KIAA1328: variants seen among roughly 807,000 people sequenced by gnomAD.
KIAA1328 encodes the protein protein hinderin.
Under a neutral mutation model 68.1 loss-of-function variants are expected in KIAA1328, and 52 were observed. The observed-to-expected ratio is 0.76, with a 90% CI of 0.61 to 0.96. The LOEUF is 0.96. KIAA1328 is among the 40% of genes least tolerant of loss of function. The pLI is 0.00. For synonymous variants in KIAA1328, 232 were observed against 239.4 expected (o/e 0.97, Z 0.28); for missense variants, 641 against 677.6 (o/e 0.95, Z 0.60).
chr18:36,949,946 A>G (rs561940419), intron 5 of KIAA1328, among the ~76,000 whole-genome samples: 3 of 152,376 alleles, frequency 2.0e-5, no homozygotes, highest in South Asian at 4.1e-4. Flanking sequence ...TCAGACTTGT[A>G]TCAGTGGCTT....
intron 5 of KIAA1328, among the ~76,000 whole-genome samples, chr18:36,911,665 G>A (rs1283401670): frequency 6.6e-6 from 1 of 152,076 alleles, no homozygotes; most frequent in Non-Finnish European, 1.5e-5. Context: ...TATAGTGCTG[G>A]AAAAAAGTAC....
intron 6 of KIAA1328, among the ~76,000 whole-genome samples, chr18:37,010,214 G>A (rs1407239223): frequency 6.6e-6 from 1 of 151,958 alleles, no homozygotes; most frequent in Non-Finnish European, 1.5e-5. Flanking sequence ...GGAGGCCGAG[G>A]CGGGCGGATC....
chr18:36,899,216 A>G (rs1345427544), intron 5 of KIAA1328, among the ~76,000 whole-genome samples: 2 of 151,910 alleles, frequency 1.3e-5, no homozygotes, highest in Admixed American at 6.6e-5. Context: ...GCTTTTACTA[A>G]TCATGAATGG....
At chr18:37,078,910 A>T (rs1240416778) in intron 7 of KIAA1328, among the ~76,000 whole-genome samples, 1 of 151,866 alleles carries the variant, frequency 6.6e-6, no homozygotes, top group Non-Finnish European at 1.5e-5. Context: ...ACCATTGTGG[A>T]GGTCAGTGTG....
At chr18:37,017,477 C>A (rs886452656) in intron 6 of KIAA1328, among the ~76,000 whole-genome samples, 1 of 151,992 alleles carries the variant, frequency 6.6e-6, no homozygotes, top group Non-Finnish European at 1.5e-5. Context: ...TTTATTACAT[C>A]CAATTGTTCA....
intron 4 of KIAA1328, among the ~76,000 whole-genome samples, chr18:36,845,606 A>G (rs2150815391): frequency 6.6e-6 from 1 of 151,916 alleles, no homozygotes; most frequent in Non-Finnish European, 1.5e-5. Context: ...TATACAGAAT[A>G]TATAAAGAAC....
intron 7 of KIAA1328, among the ~76,000 whole-genome samples, chr18:37,149,118 A>T (rs1188369714): frequency 6.6e-6 from 1 of 152,188 alleles, no homozygotes; most frequent in African/African-American, 2.4e-5. Flanking sequence ...TATAGCCAAG[A>T]CAGTCCTAAG....
intron 6 of KIAA1328, among the ~76,000 whole-genome samples, chr18:36,991,453 A>C (rs1454870814): frequency 6.6e-6 from 1 of 152,244 alleles, no homozygotes; most frequent in Non-Finnish European, 1.5e-5. Flanking sequence ...GTATGCTAAC[A>C]AAACAACAGC....
At chr18:36,984,519 T>C (rs965003908) in intron 6 of KIAA1328, among the ~76,000 whole-genome samples, 1 of 152,112 alleles carries the variant, frequency 6.6e-6, no homozygotes, top group South Asian at 2.1e-4. Flanking sequence ...AACACTTCTA[T>C]GTATATGGAA....
intron 7 of KIAA1328, among the ~76,000 whole-genome samples, chr18:37,121,846 G>A (rs985101214): frequency 6.6e-5 from 10 of 152,012 alleles, no homozygotes; most frequent in African/African-American, 2.4e-4. Flanking sequence ...ATGCATGAAT[G>A]AAGGAGGTGT....
At chr18:37,028,427 G>C (rs1350784827) in intron 6 of KIAA1328, among the ~76,000 whole-genome samples, 1 of 151,990 alleles carries the variant, frequency 6.6e-6, no homozygotes, top group Non-Finnish European at 1.5e-5. Flanking sequence ...AGGAGCTTTA[G>C]GGCAGAGACT....
chr18:36,960,209 A>G (rs189094236), intron 6 of KIAA1328, among the ~76,000 whole-genome samples: 2 of 152,316 alleles, frequency 1.3e-5, no homozygotes, highest in East Asian at 3.9e-4. Context: ...CTCACTGCTA[A>G]CGCAGCAGTC....
At chr18:37,118,555 C>T (rs2058184554) in intron 7 of KIAA1328, among the ~76,000 whole-genome samples, 1 of 152,124 alleles carries the variant, frequency 6.6e-6, no homozygotes, top group Non-Finnish European at 1.5e-5. Context: ...CTATTTCCCC[C>T]TTGATTATCA....
chr18:37,124,688 T>A (rs1362937139), intron 7 of KIAA1328, among the ~76,000 whole-genome samples: 1 of 152,160 alleles, frequency 6.6e-6, no homozygotes, highest in Non-Finnish European at 1.5e-5. Flanking sequence ...TTTGCATACC[T>A]CCCTGACCTC....
intron 6 of KIAA1328, among the ~76,000 whole-genome samples, chr18:37,017,138 A>G (rs1022082325): frequency 2.0e-5 from 3 of 152,106 alleles, no homozygotes; most frequent in African/African-American, 7.2e-5. Context: ...CTTTTGCTGT[A>G]TCTCAGATGT....
intron 4 of KIAA1328, among the ~76,000 whole-genome samples, chr18:36,872,307 A>G (rs1317947705): frequency 6.6e-6 from 1 of 152,116 alleles, no homozygotes; most frequent in Non-Finnish European, 1.5e-5. Context: ...CACAGGCCTG[A>G]TTAGAATAAC....
intron 5 of KIAA1328, among the ~76,000 whole-genome samples, chr18:36,955,553 C>A (rs144472393): frequency 6.6e-6 from 1 of 152,098 alleles, no homozygotes; most frequent in African/African-American, 2.4e-5. Context: ...GGTGATCTGT[C>A]CACCTCGGCC....
intron 7 of KIAA1328, among the ~76,000 whole-genome samples, chr18:37,147,081 C>T (rs999184057): frequency 2.0e-5 from 3 of 152,154 alleles, no homozygotes; most frequent in African/African-American, 7.2e-5. Flanking sequence ...CAGTACAGCT[C>T]CCCTTTGCCT....
At chr18:37,185,794 G>A (rs1354260639) in intron 9 of KIAA1328, among the ~76,000 whole-genome samples, 1 of 151,050 alleles carries the variant, frequency 6.6e-6, no homozygotes, top group Non-Finnish European at 1.5e-5. Context: ...ATCTTAATGG[G>A]GTATGCCCTC....
Sources: gnomAD v4.1 joint callset for allele counts (sites outside exome capture counted in the v4.1 genomes callset) on GRCh38, gnomAD v4.1.1 for gene constraint, MANE v1.5 for transcripts, NCBI Gene and HGNC (gene_info 2026-07-23, HGNC 2026-07-21) for gene names.